Variants in CHRM3 observed in about 807,000 individuals in gnomAD.
CHRM3 encodes cholinergic receptor muscarinic 3.
CHRM3 carries 11 observed loss-of-function variants against 41.8 expected under a neutral mutation model. That is an observed-to-expected ratio of 0.26 (90% confidence interval 0.17 to 0.44). CHRM3 has a LOEUF of 0.44. Ranked by LOEUF, CHRM3 falls within the 20% of genes least tolerant of loss-of-function variation. CHRM3 has a pLI of 1.00. For synonymous variants in CHRM3, 297 were observed against 301.4 expected, an observed-to-expected ratio of 0.99 and a Z score of 0.15; for missense variants, 571 against 745.4, an observed-to-expected ratio of 0.77 and a Z score of 2.72.
chr1:239,736,200 A>C (rs2148458551), intron 5 of CHRM3, among the ~76,000 whole-genome samples: 1 of 152,210 alleles, frequency 6.6e-6, no homozygotes, highest in African/African-American at 2.4e-5. Flanking sequence ...TCATTATTGC[A>C]GGCAGATATG....
chr1:239,667,754 A>G (rs1673957253), intron 4 of CHRM3, among the ~76,000 whole-genome samples: 1 of 152,044 alleles, frequency 6.6e-6, no homozygotes, highest in African/African-American at 2.4e-5. Context: ...AAACCCCCTT[A>G]TCTTGAAAGT....
intron 6 of CHRM3, among the ~76,000 whole-genome samples, chr1:239,861,682 G>C (rs1366728311): frequency 6.6e-6 from 1 of 152,072 alleles, no homozygotes; most frequent in Non-Finnish European, 1.5e-5. Flanking sequence ...TTTTTTCGTA[G>C]AGTACTTCAC....
At chr1:239,464,667 G>A (rs1344892028) in intron 1 of CHRM3, among the ~76,000 whole-genome samples, 1 of 152,110 alleles carries the variant, frequency 6.6e-6, no homozygotes, top group African/African-American at 2.4e-5. Flanking sequence ...GCAGGCTCTG[G>A]AATGTTCTGA....
intron 5 of CHRM3, among the ~76,000 whole-genome samples, chr1:239,791,901 G>A (rs999472780): frequency 6.6e-6 from 1 of 152,164 alleles, no homozygotes; most frequent in Non-Finnish European, 1.5e-5. Context: ...GCAGATACAA[G>A]ACCTACAATA....
At chr1:239,745,897 T>C (rs552743588) in intron 5 of CHRM3, among the ~76,000 whole-genome samples, 1 of 152,188 alleles carries the variant, frequency 6.6e-6, no homozygotes, top group African/African-American at 2.4e-5. Flanking sequence ...TTGACAACTT[T>C]CCTTCTAAAA....
chr1:239,459,181 A>G (rs1665176409), intron 1 of CHRM3, among the ~76,000 whole-genome samples: 1 of 152,136 alleles, frequency 6.6e-6, no homozygotes, highest in Non-Finnish European at 1.5e-5. Context: ...AAGTTTAACC[A>G]TCATCTTGAA....
At chr1:239,696,330 TTGTAAAC>T (rs1167455393) in intron 5 of CHRM3, among the ~76,000 whole-genome samples, 3 of 152,180 alleles carry the variant, frequency 2.0e-5, no homozygotes, top group African/African-American at 7.2e-5. Context: ...GTGCTGCCTT[TTGTAAAC>T]TGTAAAGTAC....
At chr1:239,855,895 A>G (rs1558182573) in intron 6 of CHRM3, among the ~76,000 whole-genome samples, 1 of 152,198 alleles carries the variant, frequency 6.6e-6, no homozygotes, top group Non-Finnish European at 1.5e-5. Flanking sequence ...GTAGACATCT[A>G]TATGCTTTCA....
At chr1:239,440,217 C>T (rs1300937840) in intron 1 of CHRM3, among the ~76,000 whole-genome samples, 1 of 148,558 alleles carries the variant, frequency 6.7e-6, no homozygotes, top group Non-Finnish European at 1.5e-5. Context: ...AAAAAAAAGC[C>T]TCTCTATAGG....
At chr1:239,584,786 C>T (rs1237290886) in intron 3 of CHRM3, among the ~76,000 whole-genome samples, 1 of 152,086 alleles carries the variant, frequency 6.6e-6, no homozygotes, top group Non-Finnish European at 1.5e-5. Flanking sequence ...CAGAATCTGT[C>T]TCTTCTAATT....
At chr1:239,698,432 G>T (rs1226843649) in intron 5 of CHRM3, among the ~76,000 whole-genome samples, 1 of 152,068 alleles carries the variant, frequency 6.6e-6, no homozygotes, top group Non-Finnish European at 1.5e-5. Flanking sequence ...CTCTCAAAAG[G>T]CAGGAACATG....
intron 5 of CHRM3, among the ~76,000 whole-genome samples, chr1:239,688,631 C>CATAATATATTACTCAGTATAATAT (rs1659397516): frequency 7.8e-6 from 1 of 128,782 alleles, no homozygotes; most frequent in South Asian, 2.2e-4. Flanking sequence ...CAGTATAATA[C>CATAATATATTACTCAGTATAATAT]ATAATATATA....
At chr1:239,662,930 T>TCTTCTTCTTCTC (rs972963044) in intron 4 of CHRM3, among the ~76,000 whole-genome samples, 5 of 148,376 alleles carry the variant, frequency 3.4e-5, no homozygotes, top group African/African-American at 1.2e-4. Flanking sequence ...TTCTTCTTCT[T>TCTTCTTCTTCTC]CTCCTCTTCT....
At chr1:239,581,244 AT>A (rs1361445867) in intron 3 of CHRM3, among the ~76,000 whole-genome samples, 1 of 152,146 alleles carries the variant, frequency 6.6e-6, no homozygotes, top group Non-Finnish European at 1.5e-5. Context: ...TTATCTATAG[AT>A]TATAGAAAAG....
chr1:239,782,104 G>T (rs191003475), intron 5 of CHRM3, among the ~76,000 whole-genome samples: 4 of 152,082 alleles, frequency 2.6e-5, no homozygotes, highest in East Asian at 3.9e-4. Context: ...TCTAGTTTTG[G>T]TATTAGGATA....
At chr1:239,540,647 C>G (rs1041412078) in intron 2 of CHRM3, among the ~76,000 whole-genome samples, 1 of 152,130 alleles carries the variant, frequency 6.6e-6, no homozygotes, top group Non-Finnish European at 1.5e-5. Flanking sequence ...CCTACAAACA[C>G]ACGGTCTTAT....
chr1:239,452,307 C>G (rs1024486649), intron 1 of CHRM3, among the ~76,000 whole-genome samples: 2 of 152,152 alleles, frequency 1.3e-5, no homozygotes, highest in African/African-American at 4.8e-5. Context: ...AAGCAACTAA[C>G]AGTTACTCTT....
chr1:239,620,812 G>C (rs1412576692), intron 3 of CHRM3, among the ~76,000 whole-genome samples: 1 of 152,118 alleles, frequency 6.6e-6, no homozygotes, highest in African/African-American at 2.4e-5. Flanking sequence ...CTTACAAAGA[G>C]AGAGTTAGAT....
chr1:239,690,815 T>A (rs1216005654), intron 5 of CHRM3, among the ~76,000 whole-genome samples: 1 of 151,704 alleles, frequency 6.6e-6, no homozygotes, highest in Non-Finnish European at 1.5e-5. Flanking sequence ...GGCTGAAAAA[T>A]TTTATATATA....
Sources: allele counts gnomAD v4.1 joint callset (sites outside exome capture counted in the v4.1 genomes callset), GRCh38; gene constraint gnomAD v4.1.1; transcripts MANE v1.5; gene names NCBI Gene and HGNC (gene_info 2026-07-23, HGNC 2026-07-21).